Variants in ANK3 observed in about 807,000 individuals in gnomAD.
ANK3 encodes ankyrin 3.
In ANK3, 57 loss-of-function variants were observed where a neutral mutation model predicts 370.9. The ratio of observed to expected loss-of-function variants is 0.15; its 90% confidence interval spans 0.12 to 0.19. The LOEUF is 0.19. Among genes scored for constraint, ANK3 ranks in the 10% least tolerant of loss-of-function variants. The pLI, the probability that ANK3 is intolerant of heterozygous loss-of-function variation, is 1.00. For synonymous variants in ANK3, 1,929 were observed against 1,946.3 expected, an observed-to-expected ratio of 0.99 and a Z score of 0.23; for missense variants, 4,439 against 5,302.1, an observed-to-expected ratio of 0.84 and a Z score of 5.06.
chr10:60,398,295 A>G (rs2063284264), intron 2 of ANK3, among the ~76,000 whole-genome samples: 2 of 152,218 alleles, frequency 1.3e-5, no homozygotes, highest in African/African-American at 4.8e-5. Context: ...ATAAGGCTGG[A>G]TGTGGCCTGC....
intron 8 of ANK3, among the ~76,000 whole-genome samples, chr10:60,216,093 T>G (rs2096932430): frequency 6.6e-6 from 1 of 152,182 alleles, no homozygotes. Context: ...CCTACGTATT[T>G]TATTCTCTTT....
chr10:60,036,134 C>T (rs2074907204), intron 43 of ANK3, among the ~76,000 whole-genome samples: 1 of 152,106 alleles, frequency 6.6e-6, no homozygotes, highest in Admixed American at 6.5e-5. Context: ...GTACTAACTT[C>T]CTAGGGCTAC....
rs572692868 is a variant in ANK3 at position 60,492,920 on chromosome 10, C to CA, written c.96+122265dup. 3.6e-3 allele frequency among the ~76,000 whole-genome samples: 498 copies of CA among 136,986 alleles called. 1 individual carries two copies. Among genetic ancestry groups the CA allele is most frequent in the Non-Finnish European group, 5.9e-3 (369 of 62,804 alleles). The allele number at this position is 136,986 out of a possible 152,430, so 89.9% of individuals were successfully genotyped here. On this transcript the variant is annotated intron_variant, in intron 2 of 43. Coordinates refer to the ANK3 transcript ENST00000373827. Reference sequence around the variant, plus strand: ...TGAAACCCTGTCTCTACTAAAAATACAAAAAAAAAATTAGCCGGGTGTAGT... The same window carrying CA: ...TGAAACCCTGTCTCTACTAAAAATACAAAAAAAAAAATTAGCCGGGTGTAGT...
At chr10:60,134,819 G>A (rs1192777564) in intron 24 of ANK3, among the ~76,000 whole-genome samples, 1 of 152,198 alleles carries the variant, frequency 6.6e-6, no homozygotes, top group Non-Finnish European at 1.5e-5. Flanking sequence ...GGGACTTACT[G>A]AGAACTCTGG....
chr10:60,358,342 G>A (rs2058104686), intron 1 of ANK3, among the ~76,000 whole-genome samples: 1 of 152,070 alleles, frequency 6.6e-6, no homozygotes, highest in Non-Finnish European at 1.5e-5. Flanking sequence ...GGTATTCCTT[G>A]AGCACCTCCC....
chr10:60,563,656 T>C (rs2077391642), intron 2 of ANK3, among the ~76,000 whole-genome samples: 1 of 152,128 alleles, frequency 6.6e-6, no homozygotes, highest in Non-Finnish European at 1.5e-5. Flanking sequence ...AGGTCAGATT[T>C]TGCCGCCAAA....
At chr10:60,281,230 C>T (rs774149739) in intron 1 of ANK3, among the ~76,000 whole-genome samples, 2 of 152,136 alleles carry the variant, frequency 1.3e-5, no homozygotes, top group Admixed American at 6.5e-5. Flanking sequence ...CACTACTGTG[C>T]CTCTAAATTG....
At chr10:60,655,538 T>C (rs2078851592) in intron 1 of ANK3, among the ~76,000 whole-genome samples, 1 of 152,108 alleles carries the variant, frequency 6.6e-6, no homozygotes, top group African/African-American at 2.4e-5. Flanking sequence ...TACAATATGT[T>C]TGTGTTTTAA....
intron 1 of ANK3, among the ~76,000 whole-genome samples, chr10:60,677,021 A>G (rs916069138): frequency 6.6e-6 from 1 of 152,230 alleles, no homozygotes; most frequent in Admixed American, 6.5e-5. Context: ...TACAATTATT[A>G]TGTACCAATT....
At chr10:60,363,295 CA>C (rs1178738094) in intron 1 of ANK3, among the ~76,000 whole-genome samples, 1 of 152,140 alleles carries the variant, frequency 6.6e-6, no homozygotes, top group African/African-American at 2.4e-5. Flanking sequence ...GAAATAGCAC[CA>C]GCAGCTGTCT....
chr10:60,118,976 C>T (rs1271238802), intron 25 of ANK3, among the ~76,000 whole-genome samples: 1 of 152,202 alleles, frequency 6.6e-6, no homozygotes, highest in Non-Finnish European at 1.5e-5. Flanking sequence ...AGTCTTGCAA[C>T]TCTGCCACTC....
chr10:60,654,992 C>T (rs967222073), intron 1 of ANK3, among the ~76,000 whole-genome samples: 8 of 152,106 alleles, frequency 5.3e-5, no homozygotes, highest in Non-Finnish European at 1.2e-4. Flanking sequence ...GCCGTCATAA[C>T]AGCATAGTGC....
At chr10:60,578,411 G>T (rs1469203554) in intron 2 of ANK3, among the ~76,000 whole-genome samples, 1 of 152,108 alleles carries the variant, frequency 6.6e-6, no homozygotes, top group African/African-American at 2.4e-5. Context: ...ACATTCTTTT[G>T]TGAGGTGAGG....
chr10:60,069,334 T>C lies in ANK3; in HGVS notation c.11547A>G (p.Glu3849=), dbSNP rs377365066. 4 of 1,614,094 alleles carry C rather than the reference T, an allele frequency of 2.5e-6. No homozygotes were observed. The highest frequency in any genetic ancestry group is 3.4e-6 in the Non-Finnish European group (4 of 1,180,040). Residue 3849 remains glutamate (E), a synonymous_variant, in exon 37 of 44, where the codon GAA becomes GAG. Coordinates refer to ENST00000280772, the MANE Select transcript of ANK3 (RefSeq NM_020987.5). ...CVRDKQKVLG[E]QQKTKELIGI... ...CTATCAATTCCTTTGTTTTTTGCTG[T>C]TCTCCAAGAACTTTCTGCTTATCTC...
intron 16 of ANK3, among the ~76,000 whole-genome samples, chr10:60,192,116 T>C (rs557807486): frequency 6.6e-6 from 1 of 151,990 alleles, no homozygotes; most frequent in Non-Finnish European, 1.5e-5. Context: ...ATGGTCTCCA[T>C]CTCCTGACCT....
intron 1 of ANK3, among the ~76,000 whole-genome samples, chr10:60,371,133 A>G (rs2060054834): frequency 6.6e-6 from 1 of 151,860 alleles, no homozygotes; most frequent in Non-Finnish European, 1.5e-5. Context: ...AATATCTGCC[A>G]CACTTCTCAG....
rs140707275 is a variant in ANK3, at chr10:60,685,577, C to T, written c.57+47686G>A. 4.1e-3 allele frequency among the ~76,000 whole-genome samples: 626 copies of T among 152,194 alleles called. 6 individuals are homozygous for T. Among genetic ancestry groups the T allele is most frequent in the Middle Eastern group, 0.014 (4 of 294 alleles). On this transcript the variant is annotated intron_variant, in intron 1 of 43. Coordinates refer to the ANK3 transcript ENST00000373827. ...AGGTTTATTATACAGAAATAACCCG[C>T]GCTCATGAAGAGAAGGCTGGCAAAT...
chr10:60,701,536 C>T (rs1301880354), intron 1 of ANK3, among the ~76,000 whole-genome samples: 1 of 152,126 alleles, frequency 6.6e-6, no homozygotes, highest in African/African-American at 2.4e-5. Flanking sequence ...GAAGAAATGA[C>T]AAGCTAAATA....
At chr10:60,091,493 A>G (rs529964353) in intron 28 of ANK3, among the ~76,000 whole-genome samples, 1 of 149,044 alleles carries the variant, frequency 6.7e-6, no homozygotes, top group East Asian at 2.1e-4. Context: ...TGAAGAAAAA[A>G]TAAATCAAAG....
Sources: gnomAD v4.1 joint callset for allele counts (sites outside exome capture counted in the v4.1 genomes callset) on GRCh38, gnomAD v4.1.1 for gene constraint, MANE v1.5 for transcripts, NCBI Gene and HGNC (gene_info 2026-07-23, HGNC 2026-07-21) for gene names.